Variants in HPN observed in about 807,000 individuals in gnomAD.
The protein encoded by HPN is hepsin.
In HPN, 13 loss-of-function variants were observed where a neutral mutation model predicts 55.9. That is an observed-to-expected ratio of 0.23 (90% CI 0.15 to 0.37). HPN has a LOEUF of 0.37. Ranked by LOEUF, HPN falls within the 10% of genes least tolerant of loss-of-function variation. HPN has a pLI of 1.00. For missense variants in HPN, 451 were observed against 575.8 expected, an observed-to-expected ratio of 0.78 and a Z score of 2.22; for synonymous variants, 225 against 240.3, an observed-to-expected ratio of 0.94 and a Z score of 0.59.
chr19:35,059,703 T>A lies in HPN; in HGVS notation c.191T>A (p.Met64Lys). The A allele has an allele frequency of 1.2e-6, 2 of 1,600,766 alleles. No homozygotes were observed. The highest frequency in any genetic ancestry group is 1.7e-6 in the Non-Finnish European group (2 of 1,174,450). Reference sequence around the variant, plus strand: ...GTCAGCTCTGCGGACGCTCGGCTCATGGTCTTTGACAAGACGGAAGGGACG... The same window carrying A: ...GTCAGCTCTGCGGACGCTCGGCTCAAGGTCTTTGACAAGACGGAAGGGACG... ...VQVSSADARL[M>K]VFDKTEGTWR... Residue 64 changes from methionine (M) to lysine (K), a missense_variant, in exon 5 of 13, where the codon ATG (methionine) becomes AAG (lysine). Around this residue, in one of 2 missense-constraint regions of HPN, gnomAD observed 378 missense variants for 445.5 expected, o/e 0.85. Coordinates refer to ENST00000672452, the MANE Select transcript of HPN (RefSeq NM_001384133.1).
At chr19:35,043,251 AC>A (rs149566975) in intron 2 of HPN, among the ~76,000 whole-genome samples, 1,840 of 152,176 alleles carry the variant, frequency 0.012, 39 homozygotes, top group African/African-American at 0.042. Context: ...AGAGAGAGAG[AC>A]TGCGTCATGG....
chr19:35,047,682 A>C (rs944500267), intron 2 of HPN, among the ~76,000 whole-genome samples: 1 of 151,938 alleles, frequency 6.6e-6, no homozygotes, highest in Non-Finnish European at 1.5e-5. Flanking sequence ...TAAACAAATA[A>C]AGCTTCTTTA....
chr19:35,049,452 C>T, intron 3 of HPN, 23 bp from the exon 4 acceptor site: 1 of 1,613,174 alleles, frequency 6.2e-7, no homozygotes, highest in Non-Finnish European at 8.5e-7. Flanking sequence ...GCCTGCCTGC[C>T]CTCACCCCTC....
chr19:35,050,596 T>C, intron 4 of HPN: 1 of 1,127,164 alleles, frequency 8.9e-7, no homozygotes, highest in South Asian at 1.4e-5. Context: ...GTGGGATGAA[T>C]GAATGAATCT....
intron 2 of HPN, among the ~76,000 whole-genome samples, chr19:35,046,622 G>T (rs1400863274): frequency 6.6e-6 from 1 of 152,166 alleles, no homozygotes; most frequent in African/African-American, 2.4e-5. Flanking sequence ...TCTGTTCCAG[G>T]TGCTGGCCTG....
intron 11 of HPN, 63 bp from the exon 12 acceptor site, chr19:35,065,805 C>T: frequency 6.6e-7 from 1 of 1,516,350 alleles, no homozygotes; most frequent in Admixed American, 2.1e-5. Context: ...CCCATGTCAT[C>T]CCGGGGTGGG....
intron 4 of HPN, among the ~76,000 whole-genome samples, chr19:35,054,885 G>A (rs1387215583): frequency 6.6e-6 from 1 of 152,134 alleles, no homozygotes; most frequent in Non-Finnish European, 1.5e-5. Flanking sequence ...CCAACCTGCG[G>A]GGCTGTGGGA....
chr19:35,065,614 A>T lies in HPN; in HGVS notation c.983A>T (p.Tyr328Phe). The T allele has an allele frequency of 1.9e-6, 3 of 1,614,180 alleles. No homozygotes were observed. Among genetic ancestry groups the T allele is most frequent in the Non-Finnish European group, 1.7e-6 (2 of 1,180,020 alleles). Residue 328 changes from tyrosine to phenylalanine, a missense_variant, in exon 11 of 13, where the codon TAT becomes TTT. Physicochemically the swap from Tyr to Phe is conservative, Grantham distance 22. Around this residue, in one of 2 missense-constraint regions of HPN, gnomAD observed 73 missense variants for 130.3 expected, o/e 0.56. Transcript: ENST00000672452. The stretch of plus-strand genomic sequence containing the variant: ...GATGTCTGCAATGGCGCTGACTTCT[A>T]TGGAAACCAGATCAAGCCCAAGATG... Reference protein sequence around the residue: ...SNDVCNGADFYGNQIKPKMFC... With the variant: ...SNDVCNGADFFGNQIKPKMFC...
At chr19:35,045,671 G>A (rs755384432) in intron 2 of HPN, among the ~76,000 whole-genome samples, 9 of 151,652 alleles carry the variant, frequency 5.9e-5, no homozygotes, top group Non-Finnish European at 1.0e-4. Context: ...GTAGAGACAC[G>A]CAGGGAGGAT....
chr19:35,065,929 T>A lies in HPN; in HGVS notation c.1112T>A (p.Leu371Gln). The change falls in exon 12 of 13, where the codon CTG (leucine) becomes CAG (glutamine). Residue 371 changes from leucine (L) to glutamine (Q), a missense_variant. Leu to Gln is a moderately radical substitution (Grantham distance 113). Around this residue, in one of 2 missense-constraint regions of HPN, gnomAD observed 73 missense variants for 130.3 expected, o/e 0.56. Transcript: ENST00000672452. Reference protein sequence around the residue: ...DSISRTPRWRLCGIVSWGTGC... With the variant: ...DSISRTPRWRQCGIVSWGTGC... ...ATCTCTCGGACGCCACGTTGGCGGC[T>A]GTGTGGCATTGTGAGTTGGGGCACT... 1 of 1,614,042 alleles carries A rather than the reference T, an allele frequency of 6.2e-7. No individual in the cohort carries two copies. The highest frequency in any genetic ancestry group is 8.5e-7 in the Non-Finnish European group (1 of 1,180,020).
intron 4 of HPN, chr19:35,050,614 T>C (rs2064393937): frequency 1.0e-6 from 1 of 998,490 alleles, no homozygotes; most frequent in Non-Finnish European, 1.3e-6. Context: ...TCTTCCCAAA[T>C]GCCAACTTCA....
intron 7 of HPN, 59 bp from the exon 8 acceptor site, chr19:35,060,288 C>T (rs1473207022): frequency 6.2e-7 from 1 of 1,606,682 alleles, no homozygotes; most frequent in East Asian, 2.2e-5. Context: ...CAAGCCTGGG[C>T]TCTGGGGACC....
At chr19:35,058,963 C>G (rs2064490237) in intron 4 of HPN, 1 of 154,962 alleles carries the variant, frequency 6.5e-6, no homozygotes, top group Non-Finnish European at 1.4e-5. Flanking sequence ...TGACCCTTAA[C>G]AGATCCAGCC....
intron 2 of HPN, among the ~76,000 whole-genome samples, chr19:35,048,052 G>GAA (rs2064361844): frequency 2.0e-5 from 1 of 51,122 alleles, no homozygotes; most frequent in Non-Finnish European, 3.3e-5. Flanking sequence ...AAGAAAGAAA[G>GAA]AAAGAAAGAA....
Position 35,060,776 on chromosome 19 carries a change from A to C in HPN, c.770A>C (p.Asp257Ala), listed in dbSNP as rs1404126731. The C allele has an allele frequency of 6.2e-7, 1 of 1,608,640 alleles. No homozygotes were observed. Among genetic ancestry groups the C allele is most frequent in the African/African-American group, 1.3e-5 (1 of 75,004 alleles). ...CCCAACAGCGAGGAGAACAGCAACG[A>C]TATTGCCCTGGTCCACCTCTCCAGT... Reference protein sequence around the residue: ...RDPNSEENSNDIALVHLSSPL... With the variant: ...RDPNSEENSNAIALVHLSSPL... The change falls in exon 9 of 13, where the codon GAT (aspartate) becomes GCT (alanine). Residue 257 changes from aspartate to alanine, a missense_variant. Coordinates refer to ENST00000672452, the MANE Select transcript of HPN (RefSeq NM_001384133.1).
chr19:35,059,793 G>T lies in HPN; in HGVS notation c.281G>T (p.Gly94Val). 6.3e-7 allele frequency: 1 copy of T among 1,574,856 alleles called. No individual in the cohort carries two copies. The highest frequency in any genetic ancestry group is 1.8e-5 in the Admixed American group (1 of 55,166). Residue 94 changes from glycine to valine, a missense_variant, in exon 5 of 13, where the codon GGC (glycine) becomes GTC (valine). Physicochemically the swap from Gly to Val is moderately radical, Grantham distance 109 (BLOSUM62 -3). Coordinates refer to ENST00000672452, the MANE Select transcript of HPN (RefSeq NM_001384133.1). The stretch of plus-strand genomic sequence containing the variant: ...GCCGGACTCAGCTGCGAGGAGATGG[G>T]CTTCCTCAGGTACTGGGGGCCCTCG... Reference protein sequence around the residue: ...RVAGLSCEEMGFLRALTHSEL... With the variant: ...RVAGLSCEEMVFLRALTHSEL...
intron 4 of HPN, 36 bp from the exon 5 acceptor site, chr19:35,059,637 G>T: frequency 6.4e-7 from 1 of 1,567,992 alleles, no homozygotes. Context: ...GCCTGGCTGT[G>T]GGACCCAGGC....
Position 35,041,729 on chromosome 19 carries a change from A to T in HPN, c.-198A>T. 8.5e-7 allele frequency: 1 copy of T among 1,171,628 alleles called. No homozygotes were observed. 72.6% of individuals were successfully genotyped at this position (1,171,628 alleles called of 1,614,324 possible). On this transcript the variant is annotated 5_prime_UTR_variant, in exon 1 of 13. Coordinates refer to ENST00000672452, the MANE Select transcript of HPN (RefSeq NM_001384133.1). ...CAGCCCCCTCCTCCTCAGGTGAGGC[A>T]GCCTGGCCTAGCAGGCCCCACGCCA...
chr19:35,045,991 A>C (rs193051258), intron 2 of HPN, among the ~76,000 whole-genome samples: 1 of 152,312 alleles, frequency 6.6e-6, no homozygotes, highest in East Asian at 1.9e-4. Context: ...TCTAGGCTGC[A>C]TTCTGCATGG....
Sources: gnomAD v4.1 joint callset for allele counts (sites outside exome capture counted in the v4.1 genomes callset) on GRCh38, gnomAD v4.1.1 for gene constraint, gnomAD v4.1.1 regional missense constraint, MANE v1.5 for transcripts, NCBI Gene and HGNC (gene_info 2026-07-23, HGNC 2026-07-21) for gene names.